The following PCDHGB1 variants were observed in gnomAD, a reference collection of about 807,000 sequenced individuals.
PCDHGB1 encodes the protein protocadherin gamma subfamily B, 1.
A neutral mutation model predicts 56.6 loss-of-function variants in PCDHGB1; 34 were observed. The observed-to-expected ratio is 0.60, with a 90% CI of 0.46 to 0.80. PCDHGB1 has a LOEUF of 0.80. Among genes scored for constraint, PCDHGB1 ranks in the 30% least tolerant of loss-of-function variants. The probability of loss-of-function intolerance (pLI) is 0.00; values close to 1 mark genes in which losing one functional copy is unlikely to be tolerated. For synonymous variants in PCDHGB1, 561 were observed against 505.9 expected, an observed-to-expected ratio of 1.11 and a Z score of -1.46; for missense variants, 1,278 against 1,204.6, an observed-to-expected ratio of 1.06 and a Z score of -0.90.
At chr5:141,456,312 G>A (rs1036961015) in intron 1 of PCDHGB1, among the ~76,000 whole-genome samples, 2 of 152,126 alleles carry the variant, frequency 1.3e-5, no homozygotes, top group African/African-American at 4.8e-5. Flanking sequence ...AGCAGCTAGG[G>A]CTCCTCCTGG....
At chr5:141,466,508 T>C (rs2099123841) in intron 1 of PCDHGB1, among the ~76,000 whole-genome samples, 1 of 152,190 alleles carries the variant, frequency 6.6e-6, no homozygotes, top group African/African-American at 2.4e-5. Context: ...ACAGACAAGA[T>C]CATTTTTTTT....
chr5:141,422,158 G>GA (rs1401712595), intron 1 of PCDHGB1: 2 of 1,571,916 alleles, frequency 1.3e-6, no homozygotes, highest in Middle Eastern at 1.7e-4. Flanking sequence ...TCTGGATTTT[G>GA]AAAAATATAG....
In PCDHGB1 at chr5:141,491,163, C is replaced by T; in HGVS notation, c.2410-3644C>T. On this transcript the variant is annotated intron_variant, in intron 1 of 3. Transcript: ENST00000523390. The surrounding 1 kb of genome is among the most constrained non-coding windows in gnomAD (Gnocchi z 6.9). ...CCTTACTGGAGGATGACTCTGACAC[C>T]CAGCAGGTGGTGGTCCTGGTGAGGG... is the stretch of plus-strand genomic sequence containing the variant. 1 of 1,614,092 alleles carries T rather than the reference C, an allele frequency of 6.2e-7. No homozygotes were observed. Among genetic ancestry groups the T allele is most frequent in the Non-Finnish European group, 8.5e-7 (1 of 1,179,950 alleles).
chr5:141,414,152 A>T, intron 1 of PCDHGB1: 1 of 1,600,994 alleles, frequency 6.2e-7, no homozygotes, highest in Non-Finnish European at 8.5e-7. Flanking sequence ...ATACAAGCAG[A>T]AGATGGAGGA....
chr5:141,411,910 C>T (rs1248743908), intron 1 of PCDHGB1: 2 of 152,164 alleles, frequency 1.3e-5, no homozygotes, highest in East Asian at 1.9e-4. Context: ...TGCCTTTGCA[C>T]TCAGTCTCTG....
In PCDHGB1 at chr5:141,432,931, G is replaced by A. The variant is rs2097550450; in HGVS notation, c.2410-61876G>A. The A allele has an allele frequency of 6.2e-7, 1 of 1,614,198 alleles. No individual in the cohort carries two copies. The highest frequency in any genetic ancestry group is 2.2e-5 in the East Asian group (1 of 44,864). Reference sequence around the variant, plus strand: ...TGCGGCGCTGGCACAAGTCACGCCTGCTGCAGGCTTCAGGAGGCGGCTTGA... The same window carrying A: ...TGCGGCGCTGGCACAAGTCACGCCTACTGCAGGCTTCAGGAGGCGGCTTGA... On this transcript the variant is annotated intron_variant, in intron 1 of 3. Transcript: ENST00000523390. The surrounding 1 kb of genome is among the most constrained non-coding windows in gnomAD (Gnocchi z 6.0).
chr5:141,359,959 G>A (rs1257380255), intron 1 of PCDHGB1: 4 of 590,976 alleles, frequency 6.8e-6, no homozygotes, highest in South Asian at 5.4e-5. Context: ...AAAGAACGAA[G>A]AGAAGCGTTT....
intron 1 of PCDHGB1, among the ~76,000 whole-genome samples, chr5:141,425,045 C>T (rs1374682125): frequency 6.6e-6 from 1 of 152,136 alleles, no homozygotes; most frequent in East Asian, 1.9e-4. Context: ...TGTAAACTGA[C>T]TATCTAGGGC....
chr5:141,356,753 G>A (rs1429942058), intron 1 of PCDHGB1: 1 of 1,613,978 alleles, frequency 6.2e-7, no homozygotes, highest in South Asian at 1.1e-5. Context: ...TATGCTCTTT[G>A]CTCCTTCGAC....
At position 141,511,187 on chromosome 5, in the gene PCDHGB1, C is replaced by T; in HGVS notation, c.*14C>T. The stretch of plus-strand genomic sequence containing the variant: ...GAGAAGAAGTAACATGGAGGCCAGG[C>T]CAAGAGCCACAGGGCGGCCTCTCCC... On this transcript the variant is annotated 3_prime_UTR_variant, in exon 4 of 4. Transcript: ENST00000523390. The T allele has an allele frequency of 1.2e-6, 2 of 1,613,868 alleles. No homozygotes were observed. The highest frequency in any genetic ancestry group is 1.7e-6 in the Non-Finnish European group (2 of 1,179,878).
At chr5:141,372,610 T>A in intron 1 of PCDHGB1, 3 of 1,613,984 alleles carry the variant, frequency 1.9e-6, no homozygotes, top group Non-Finnish European at 2.5e-6. Flanking sequence ...GTACCTGGAG[T>A]TCTCCCCACC....
At chr5:141,362,049 C>G (rs1588571121) in intron 1 of PCDHGB1, 5 of 1,611,332 alleles carry the variant, frequency 3.1e-6, no homozygotes, top group Non-Finnish European at 4.2e-6. Context: ...GGGACGCGGC[C>G]CGCCAGCGCC....
At position 141,357,279 on chromosome 5, in the gene PCDHGB1, C is replaced by A; in HGVS notation, c.2409+4610C>A. The A allele has an allele frequency of 1.2e-6, 2 of 1,613,878 alleles. 1 individual carries two copies. The highest frequency in any genetic ancestry group is 4.5e-5 in the East Asian group (2 of 44,878). On this transcript the variant is annotated intron_variant, in intron 1 of 3. Transcript: ENST00000523390. ...ACGACTCGGGCCTCACACTCTATCT[C>A]GTGGTGGCAGTGGCCGCTGTCTCCT...
chr5:141,361,683 G>T lies in PCDHGB1; in HGVS notation c.2409+9014G>T, dbSNP rs1176018723. 5 of 1,613,592 alleles carry T rather than the reference G, an allele frequency of 3.1e-6. No individual in the cohort carries two copies. The South Asian group carries it at 5.5e-5, about 18-fold the overall frequency. ...GCGCGCAGAGCGGGGTGGTGTTCGC[G>T]CAGCGCGCCTTCGATCATGAGCAGC... is the stretch of plus-strand genomic sequence containing the variant. On this transcript the variant is annotated intron_variant, in intron 1 of 3. Transcript: ENST00000523390.
rs370190281 is a variant in PCDHGB1, at chr5:141,401,943, A to G, written c.2409+49274A>G. Among the ~76,000 whole-genome samples the G allele has an allele frequency of 3.9e-5, 6 of 152,312 alleles. No homozygotes were observed. In the South Asian group the frequency reaches 1.0e-3, roughly 26 times the overall value. On this transcript the variant is annotated intron_variant, in intron 1 of 3. Coordinates refer to ENST00000523390, the MANE Select transcript of PCDHGB1 (RefSeq NM_018922.3). ...AGTGATGCTTAGAATAATGTTTAAG[A>G]CCACTTTAAAATTGCATAATTTATT...
Position 141,489,730 on chromosome 5 carries a change from A to G in PCDHGB1, c.2410-5077A>G. The stretch of plus-strand genomic sequence containing the variant: ...CAGTGCCCAGGATCCGGATGTGGGC[A>G]CCAATACTGTGAGCTTTTACACTCT... On this transcript the variant is annotated intron_variant, in intron 1 of 3. Coordinates refer to ENST00000523390, the MANE Select transcript of PCDHGB1 (RefSeq NM_018922.3). This position sits in a 1 kb window ranked among gnomAD's most constrained non-coding sequence, Gnocchi z 4.5. 6.2e-7 allele frequency: 1 copy of G among 1,614,182 alleles called. No homozygotes were observed. Among genetic ancestry groups the G allele is most frequent in the Non-Finnish European group, 8.5e-7 (1 of 1,180,020 alleles).
intron 1 of PCDHGB1, chr5:141,417,959 C>A (rs759279387): frequency 5.0e-6 from 8 of 1,613,734 alleles, no homozygotes; most frequent in Non-Finnish European, 6.8e-6. Context: ...TGAGCCGATC[C>A]GCTACTCGAT....
rs200422536 is a variant in PCDHGB1, at chr5:141,351,348, C to A, written c.1088C>A (p.Ala363Asp). ...GATTCAGACCTTGGAACTGTAATAG[C>A]CCTCATAAAAGTGCGAGACAAGGAT... The part of the protein sequence containing the change: ...PEDSDLGTVI[A>D]LIKVRDKDSG... Residue 363 changes from alanine to aspartate, a missense_variant, in exon 1 of 4, where the codon GCC (alanine) becomes GAC (aspartate). Physicochemically the swap from Ala to Asp is moderately radical, Grantham distance 126. Coordinates refer to ENST00000523390, the MANE Select transcript of PCDHGB1 (RefSeq NM_018922.3). 4.3e-6 allele frequency: 7 copies of A among 1,613,314 alleles called. No individual in the cohort carries two copies. In the Admixed American group the frequency reaches 1.0e-4, roughly 23 times the overall value.
intron 1 of PCDHGB1, chr5:141,409,672 T>C (rs1411780634): frequency 2.5e-6 from 4 of 1,613,458 alleles, no homozygotes; most frequent in Non-Finnish European, 2.5e-6. Flanking sequence ...TCTCCTACTC[T>C]ATAGTGGCGA....
Sources: allele counts gnomAD v4.1 joint callset (sites outside exome capture counted in the v4.1 genomes callset), GRCh38; gene constraint gnomAD v4.1.1; non-coding constraint Gnocchi (gnomAD v3.1); transcripts MANE v1.5; gene names NCBI Gene and HGNC (gene_info 2026-07-23, HGNC 2026-07-21).